Variants in NAT1 observed in about 807,000 individuals in gnomAD.
The protein encoded by NAT1 is arylamine N-acetyltransferase 1.
For synonymous variants in NAT1, 144 were observed against 122.6 expected (o/e 1.17, Z -1.16); for missense variants, 400 against 339.2 (o/e 1.18, Z -1.41).
chr8:18,176,608 G>T (rs10107352), intron 2 of NAT1, among the ~76,000 whole-genome samples: 41,773 of 149,334 alleles, frequency 0.28, 6,349 homozygotes, highest in South Asian at 0.41. Context: ...GTTTTGTTTT[G>T]TTTTTACAAT....
At chr8:18,219,741 A>T (rs912010961) in intron 2 of NAT1, among the ~76,000 whole-genome samples, 1 of 152,222 alleles carries the variant, frequency 6.6e-6, no homozygotes, top group Non-Finnish European at 1.5e-5. Flanking sequence ...CAGCCACAGA[A>T]TGTTCACGTG....
intron 1 of NAT1, chr8:18,211,297 A>G (rs1040150176): frequency 2.6e-5 from 4 of 152,280 alleles, no homozygotes; most frequent in Non-Finnish European, 5.9e-5. Context: ...CAGGCTTTCT[A>G]CCCTGGATGC....
intron 2 of NAT1, among the ~76,000 whole-genome samples, chr8:18,197,842 C>A (rs1333257445): frequency 6.6e-6 from 1 of 150,662 alleles, no homozygotes; most frequent in Admixed American, 6.6e-5. Context: ...CAATAAGACA[C>A]GAAGGGGGAT....
intron 1 of NAT1, chr8:18,212,215 G>A (rs970026811): frequency 2.0e-5 from 3 of 152,144 alleles, no homozygotes; most frequent in African/African-American, 7.2e-5. Flanking sequence ...TGTGATTATT[G>A]AAGTGCCAAG....
intron 2 of NAT1, among the ~76,000 whole-genome samples, chr8:18,181,246 A>G (rs905477302): frequency 2.6e-5 from 4 of 152,182 alleles, no homozygotes; most frequent in African/African-American, 9.7e-5. Flanking sequence ...TAAAAATTTA[A>G]AAAGTAGCTA....
At chr8:18,209,499 G>C (rs1185286201), upstream of NAT1, among the ~76,000 whole-genome samples, 1 of 152,322 alleles carries the variant, frequency 6.6e-6, no homozygotes, top group South Asian at 2.1e-4. Flanking sequence ...AGAGAAAAAT[G>C]CATAAGAAAC....
chr8:18,181,379 GA>G (rs905360388), intron 2 of NAT1, among the ~76,000 whole-genome samples: 7 of 151,828 alleles, frequency 4.6e-5, no homozygotes, highest in African/African-American at 1.7e-4. Flanking sequence ...CACAGAAATA[GA>G]AAAAAAATAG....
At chr8:18,188,438 G>A (rs1037042535) in intron 2 of NAT1, among the ~76,000 whole-genome samples, 1 of 151,960 alleles carries the variant, frequency 6.6e-6, no homozygotes, top group Admixed American at 6.6e-5. Flanking sequence ...GGGGAGGAGG[G>A]CAAAATATAC....
At chr8:18,208,235 C>T (rs1196649049), upstream of NAT1, among the ~76,000 whole-genome samples, 1 of 151,890 alleles carries the variant, frequency 6.6e-6, no homozygotes, top group African/African-American at 2.4e-5. Flanking sequence ...ACACATTGAC[C>T]TACGTAATAA....
At chr8:18,178,199 T>C (rs1321118145) in intron 2 of NAT1, among the ~76,000 whole-genome samples, 1 of 151,280 alleles carries the variant, frequency 6.6e-6, no homozygotes, top group Admixed American at 6.6e-5. Flanking sequence ...ACACTGTATG[T>C]TTCTAGGAAC....
intron 2 of NAT1, among the ~76,000 whole-genome samples, chr8:18,189,379 A>G (rs1802887685): frequency 1.3e-5 from 2 of 152,088 alleles, no homozygotes; most frequent in Non-Finnish European, 2.9e-5. Context: ...AGCACCTCTC[A>G]TTTGGAGAGT....
chr8:18,202,391 C>T lies in NAT1; in HGVS notation n.93-7390C>T, dbSNP rs138358713. 6.1e-3 allele frequency among the ~76,000 whole-genome samples: 934 copies of T among 152,328 alleles called. 20 individuals carry two copies. The highest frequency in any genetic ancestry group is 0.021 in the African/African-American group (861 of 41,582). ...CGAAGGGAAACTATTTGAAAACTGT[C>T]AAATGAAGACCCTTATAAAGCTATT... On this transcript the variant is annotated intron_variant and non_coding_transcript_variant, in intron 2 of 4. Transcript: ENST00000517441.
At position 18,176,715 on chromosome 8, in the gene NAT1, A is replaced by G. The variant is rs561344264; in HGVS notation, n.92+5976A>G. The stretch of plus-strand genomic sequence containing the variant: ...GGCTATTCAGGGTCTTTGTGGTTCC[A>G]TATGCATGTTAGGATTTTTTTTCTA... On this transcript the variant is annotated intron_variant and non_coding_transcript_variant, in intron 2 of 4. Coordinates refer to the NAT1 transcript ENST00000517441. Among the ~76,000 whole-genome samples the G allele has an allele frequency of 9.2e-5, 14 of 151,936 alleles. No homozygotes were observed. The East Asian group carries it at 2.7e-3, about 29-fold the overall frequency.
At chr8:18,205,475 T>C (rs1010078390), upstream of NAT1, among the ~76,000 whole-genome samples, 1 of 152,084 alleles carries the variant, frequency 6.6e-6, no homozygotes, top group Non-Finnish European at 1.5e-5. Flanking sequence ...CCCTCAGCAG[T>C]GTTAGCACAA....
At chr8:18,180,147 A>G (rs1427387166) in intron 2 of NAT1, among the ~76,000 whole-genome samples, 1 of 152,134 alleles carries the variant, frequency 6.6e-6, no homozygotes, top group Non-Finnish European at 1.5e-5. Context: ...GAAACCCCAA[A>G]AATCATTGAG....
chr8:18,198,121 A>C (rs1803310580), intron 2 of NAT1, among the ~76,000 whole-genome samples: 1 of 151,726 alleles, frequency 6.6e-6, no homozygotes, highest in East Asian at 1.9e-4. Context: ...TTTATGGACC[A>C]TTTCCTTGAA....
At chr8:18,203,159 T>C in intron 2 of NAT1, among the ~76,000 whole-genome samples, 1 of 152,224 alleles carries the variant, frequency 6.6e-6, no homozygotes, top group East Asian at 1.9e-4. Context: ...CATATGTCTG[T>C]ATGTTTATAC....
chr8:18,188,112 C>T (rs1162631816), intron 2 of NAT1, among the ~76,000 whole-genome samples: 1 of 152,128 alleles, frequency 6.6e-6, no homozygotes, highest in Non-Finnish European at 1.5e-5. Flanking sequence ...TACTTTTACT[C>T]TTTGTACCTG....
intron 1 of NAT1, among the ~76,000 whole-genome samples, chr8:18,214,805 G>A (rs1222605467): frequency 3.9e-5 from 6 of 152,106 alleles, no homozygotes; most frequent in African/African-American, 7.2e-5. Context: ...CCTACTACCC[G>A]TTAGTAATTT....
Sources: allele counts gnomAD v4.1 joint callset (sites outside exome capture counted in the v4.1 genomes callset), GRCh38; gene constraint gnomAD v4.1.1; transcripts MANE v1.5; gene names NCBI Gene and HGNC (gene_info 2026-07-23, HGNC 2026-07-21).